The following CTNNA3 variants were observed in gnomAD, a reference collection of about 807,000 sequenced individuals.
The protein encoded by CTNNA3 is catenin alpha 3.
In CTNNA3, 76 loss-of-function variants were observed where a neutral mutation model predicts 95.7. The ratio of observed to expected loss-of-function variants is 0.79; its 90% CI spans 0.66 to 0.96. The LOEUF (loss-of-function observed/expected upper bound fraction) is 0.96. CTNNA3 is among the 40% of genes least tolerant of loss of function. CTNNA3 has a pLI of 0.00. For synonymous variants in CTNNA3, 431 were observed against 374.4 expected (o/e 1.15, Z -1.74); for missense variants, 1,191 against 1,089.8 (o/e 1.09, Z -1.31).
chr10:66,978,538 A>ATAAATAAAATAAAAATAAAAAAAAT (rs1564808459), intron 7 of CTNNA3, among the ~76,000 whole-genome samples: 2 of 89,108 alleles, frequency 2.2e-5, no homozygotes, highest in Non-Finnish European at 4.7e-5. Flanking sequence ...AAAAAAAAAA[A>ATAAATAAAATAAAAATAAAAAAAAT]AAAAAAAAAA....
chr10:67,257,979 T>C (rs1866430912), intron 5 of CTNNA3, among the ~76,000 whole-genome samples: 1 of 152,216 alleles, frequency 6.6e-6, no homozygotes, highest in Non-Finnish European at 1.5e-5. Context: ...AAATCATTTA[T>C]ACTCCCAACA....
intron 13 of CTNNA3, among the ~76,000 whole-genome samples, chr10:66,196,099 A>G (rs1409444530): frequency 1.3e-5 from 2 of 152,204 alleles, no homozygotes; most frequent in African/African-American, 4.8e-5. Flanking sequence ...AGTTATTAAA[A>G]GAATGGGGTT....
intron 9 of CTNNA3, among the ~76,000 whole-genome samples, chr10:66,683,072 G>C (rs77334894): frequency 6.6e-6 from 1 of 152,044 alleles, no homozygotes; most frequent in Non-Finnish European, 1.5e-5. Flanking sequence ...ATATCCACCC[G>C]TCAAATAAAG....
At chr10:67,385,521 C>T (rs1250352778) in intron 5 of CTNNA3, among the ~76,000 whole-genome samples, 2 of 152,164 alleles carry the variant, frequency 1.3e-5, no homozygotes, top group Non-Finnish European at 2.9e-5. Context: ...GCCTTCTTCA[C>T]AAACTCTAAT....
intron 5 of CTNNA3, among the ~76,000 whole-genome samples, chr10:67,493,304 T>C (rs1009685142): frequency 2.6e-5 from 4 of 152,140 alleles, no homozygotes; most frequent in East Asian, 1.9e-4. Context: ...GGCTCACCCC[T>C]GTAATCCCAG....
intron 7 of CTNNA3, among the ~76,000 whole-genome samples, chr10:67,084,468 A>C (rs1004612552): frequency 6.6e-6 from 1 of 151,906 alleles, no homozygotes; most frequent in Non-Finnish European, 1.5e-5. Context: ...TATTAATTTA[A>C]ATATTGTTTA....
intron 10 of CTNNA3, among the ~76,000 whole-genome samples, chr10:66,572,508 T>A (rs7094712): frequency 0.25 from 38,552 of 151,690 alleles, 5,405 homozygotes; most frequent in Middle Eastern, 0.4. Context: ...ATGCTGAGGG[T>A]CTTGAATATG....
intron 1 of CTNNA3, among the ~76,000 whole-genome samples, chr10:67,690,171 T>C (rs1159006880): frequency 2.0e-5 from 3 of 152,148 alleles, no homozygotes; most frequent in Admixed American, 2.0e-4. Context: ...CCACAGACCT[T>C]CACAGTGAGT....
intron 15 of CTNNA3, among the ~76,000 whole-genome samples, chr10:66,040,189 C>G (rs2079656346): frequency 1.3e-5 from 2 of 151,866 alleles, no homozygotes; most frequent in South Asian, 4.2e-4. Context: ...TGTCTTGCAC[C>G]AGTCAGAATA....
intron 12 of CTNNA3, among the ~76,000 whole-genome samples, chr10:66,287,319 T>G (rs1248442865): frequency 6.6e-6 from 1 of 152,096 alleles, no homozygotes; most frequent in Non-Finnish European, 1.5e-5. Flanking sequence ...TTTGTAAAGC[T>G]CCTATGTCTC....
In CTNNA3 at chr10:67,125,037, A is replaced by G. The variant is rs146761901; in HGVS notation, c.1047+55280T>C. Among the ~76,000 whole-genome samples the G allele has an allele frequency of 2.6e-5, 4 of 152,346 alleles. No homozygotes were observed. The East Asian group carries it at 7.7e-4, about 29-fold the overall frequency. On this transcript the variant is annotated intron_variant, in intron 7 of 17. Coordinates refer to ENST00000433211, the MANE Select transcript of CTNNA3 (RefSeq NM_013266.4). Reference sequence around the variant, plus strand: ...ATGACCAGAGCTCTGCTGGAACTGCAGTGCCTCGAAGGAATCAAGTTAAGT... The same window carrying G: ...ATGACCAGAGCTCTGCTGGAACTGCGGTGCCTCGAAGGAATCAAGTTAAGT...
chr10:67,149,478 G>A (rs1860992673), intron 7 of CTNNA3, among the ~76,000 whole-genome samples: 5 of 152,084 alleles, frequency 3.3e-5, no homozygotes. Flanking sequence ...CCAGCTTCTC[G>A]GGAGGCTGAG....
chr10:66,122,725 G>A (rs1457170674), intron 13 of CTNNA3, among the ~76,000 whole-genome samples: 1 of 152,332 alleles, frequency 6.6e-6, no homozygotes, highest in Admixed American at 6.5e-5. Context: ...CACATGGCTA[G>A]GAATGCCTCA....
rs149213054 is a variant in CTNNA3 at position 67,019,242 on chromosome 10, G to A, written c.1047+161075C>T. On this transcript the variant is annotated intron_variant, in intron 7 of 17. Coordinates refer to ENST00000433211, the MANE Select transcript of CTNNA3 (RefSeq NM_013266.4). ...TTTTATTATTATTTTGTTTTGAGAC[G>A]TAGTCTCGCTCTGTTGCCCAGGCTG... 9.5e-4 allele frequency among the ~76,000 whole-genome samples: 144 copies of A among 152,052 alleles called. 3 individuals are homozygous for A. The highest frequency in any genetic ancestry group is 3.3e-3 in the African/African-American group (136 of 41,488).
chr10:67,146,586 T>C (rs1241956361), intron 7 of CTNNA3, among the ~76,000 whole-genome samples: 1 of 152,206 alleles, frequency 6.6e-6, no homozygotes, highest in African/African-American at 2.4e-5. Context: ...GGACTCTCAA[T>C]TATGGGCAAA....
intron 13 of CTNNA3, among the ~76,000 whole-genome samples, chr10:66,139,980 C>T (rs543565307): frequency 4.8e-4 from 73 of 152,274 alleles, no homozygotes; most frequent in African/African-American, 1.6e-3. Flanking sequence ...TTGAAGGTGG[C>T]CTCATTAGTG....
intron 9 of CTNNA3, among the ~76,000 whole-genome samples, chr10:66,667,916 C>T (rs1324410010): frequency 6.6e-6 from 1 of 152,104 alleles, no homozygotes; most frequent in Non-Finnish European, 1.5e-5. Context: ...AGGGTTGAAG[C>T]ATATACTCTT....
At position 66,559,382 on chromosome 10, in the gene CTNNA3, G is replaced by A. The variant is rs75250556; in HGVS notation, c.1375-38609C>T. Among the ~76,000 whole-genome samples the A allele has an allele frequency of 3.6e-3, 378 of 106,468 alleles. 3 individuals carry two copies. The highest frequency in any genetic ancestry group is 0.011 in the African/African-American group (306 of 27,134). 69.8% of individuals were successfully genotyped at this position (106,468 alleles called of 152,430 possible). A position where few individuals can be genotyped will look rare whatever the true frequency, so the allele number is the denominator to read the frequency against. On this transcript the variant is annotated intron_variant, in intron 10 of 17. Coordinates refer to ENST00000433211, the MANE Select transcript of CTNNA3 (RefSeq NM_013266.4). Reference sequence around the variant, plus strand: ...ACCTACACCATTTTTTTCCTCACTTGTTCTCAATGAGGCACAATATTGCCT... The same window carrying A: ...ACCTACACCATTTTTTTCCTCACTTATTCTCAATGAGGCACAATATTGCCT...
intron 10 of CTNNA3, among the ~76,000 whole-genome samples, chr10:66,546,151 T>C (rs1033936254): frequency 2.6e-5 from 4 of 151,888 alleles, no homozygotes; most frequent in African/African-American, 9.7e-5. Context: ...TATTTCCTAT[T>C]AAAACTTTTT....
Sources: allele counts gnomAD v4.1 joint callset (sites outside exome capture counted in the v4.1 genomes callset), GRCh38; gene constraint gnomAD v4.1.1; transcripts MANE v1.5; gene names NCBI Gene and HGNC (gene_info 2026-07-23, HGNC 2026-07-21).